The following MARK3 variants were observed in gnomAD, a reference collection of about 807,000 sequenced individuals.
MARK3 encodes microtubule affinity regulating kinase 3.
MARK3 carries 46 observed loss-of-function variants against 90.1 expected under a neutral mutation model. That is an observed-to-expected ratio of 0.51 (90% CI 0.40 to 0.65). MARK3 has a LOEUF of 0.65. Ranked by LOEUF, MARK3 falls within the 30% of genes least tolerant of loss-of-function variation. The pLI is 0.00. For synonymous variants in MARK3, 321 were observed against 332.6 expected (o/e 0.97, Z 0.38); for missense variants, 818 against 947.2 (o/e 0.86, Z 1.79).
chr14:103,385,941 C>A lies in MARK3; in HGVS notation c.-89C>A. On this transcript the variant is annotated 5_prime_UTR_variant, in exon 1 of 18. Coordinates refer to ENST00000429436, the MANE Select transcript of MARK3 (RefSeq NM_001128918.3). ...CCCCACGGCGCCTTTTCGGAACTGC[C>A]GTGGACTCGAGGACGCTGGTCGCCG... 5.5e-6 allele frequency: 6 copies of A among 1,082,236 alleles called. No individual in the cohort carries two copies. The highest frequency in any genetic ancestry group is 1.7e-5 in the Admixed American group (1 of 58,406). The allele number at this position is 1,082,236 out of a possible 1,614,324, so 67.0% of individuals were successfully genotyped here.
At chr14:103,393,465 A>G (rs2090394397) in intron 1 of MARK3, among the ~76,000 whole-genome samples, 2 of 152,176 alleles carry the variant, frequency 1.3e-5, no homozygotes, top group African/African-American at 4.8e-5. Flanking sequence ...AAGAAAGAAA[A>G]AAAAAAGTTG....
At chr14:103,442,294 C>CG (rs1263105884) in intron 3 of MARK3, among the ~76,000 whole-genome samples, 3 of 150,960 alleles carry the variant, frequency 2.0e-5, no homozygotes, top group Middle Eastern at 3.4e-3. Context: ...GGTGTGAACC[C>CG]GGGGGGCGGA....
intron 14 of MARK3, among the ~76,000 whole-genome samples, chr14:103,483,803 A>C (rs930889171): frequency 6.6e-6 from 1 of 152,196 alleles, no homozygotes; most frequent in Non-Finnish European, 1.5e-5. Flanking sequence ...GGTTGGTGTA[A>C]ACTAGGCATG....
intron 1 of MARK3, among the ~76,000 whole-genome samples, chr14:103,388,743 T>C (rs1156298062): frequency 3.3e-5 from 5 of 152,226 alleles, no homozygotes; most frequent in Non-Finnish European, 7.3e-5. Context: ...TTGCCTTTTC[T>C]AGGATGCTAT....
At chr14:103,496,386 GC>G in intron 15 of MARK3, among the ~76,000 whole-genome samples, 1 of 151,238 alleles carries the variant, frequency 6.6e-6, no homozygotes. Flanking sequence ...TTCAAGACCA[GC>G]CTGGACAACA....
chr14:103,412,856 GTCTT>G (rs1014916909), intron 2 of MARK3: 58 of 318,754 alleles, frequency 1.8e-4, no homozygotes, highest in Non-Finnish European at 2.8e-4. Context: ...ATGATGCCAA[GTCTT>G]TCTTTCTTTT....
At chr14:103,484,163 C>CTTTTTTTTTT (rs34512580) in intron 14 of MARK3, among the ~76,000 whole-genome samples, 1 of 146,296 alleles carries the variant, frequency 6.8e-6, no homozygotes, top group Non-Finnish European at 1.5e-5. Flanking sequence ...AGAATCTTTT[C>CTTTTTTTTTT]TTTTTTTTTT....
chr14:103,472,863 G>A (rs970024334), intron 12 of MARK3, among the ~76,000 whole-genome samples: 5 of 151,700 alleles, frequency 3.3e-5, no homozygotes, highest in Admixed American at 1.3e-4. Flanking sequence ...AAAATTAGCC[G>A]GGCATGGTGG....
intron 2 of MARK3, among the ~76,000 whole-genome samples, chr14:103,408,342 C>T (rs373609734): frequency 7.2e-5 from 11 of 151,988 alleles, no homozygotes; most frequent in Non-Finnish European, 1.3e-4. Flanking sequence ...CACACGCCAC[C>T]GCACCCAGCG....
At chr14:103,466,253 C>A in intron 9 of MARK3, 90 bp from the exon 10 acceptor site, 1 of 1,293,092 alleles carries the variant, frequency 7.7e-7, no homozygotes, top group Non-Finnish European at 1.1e-6. Context: ...GAACGATAGT[C>A]AATGAAATGT....
intron 15 of MARK3, among the ~76,000 whole-genome samples, chr14:103,493,992 G>A (rs2075172812): frequency 6.6e-6 from 1 of 151,628 alleles, no homozygotes; most frequent in African/African-American, 2.4e-5. Flanking sequence ...TCAGCACTTT[G>A]GGAGGCCAAG....
At chr14:103,481,968 A>G (rs1193235566) in intron 14 of MARK3, among the ~76,000 whole-genome samples, 2 of 150,192 alleles carry the variant, frequency 1.3e-5, no homozygotes, top group Non-Finnish European at 3.0e-5. Context: ...GGGTTTCACC[A>G]TGTTAGCCAG....
intron 2 of MARK3, among the ~76,000 whole-genome samples, chr14:103,406,020 A>G (rs2091271717): frequency 6.6e-6 from 1 of 152,078 alleles, no homozygotes; most frequent in African/African-American, 2.4e-5. Flanking sequence ...CCTCTCGAGT[A>G]GCTGAGACTA....
chr14:103,403,145 T>A (rs1272868861), intron 1 of MARK3, among the ~76,000 whole-genome samples: 1 of 148,192 alleles, frequency 6.7e-6, no homozygotes, highest in African/African-American at 2.5e-5. Context: ...TTATGAAACA[T>A]GTAAATTTGA....
intron 2 of MARK3, among the ~76,000 whole-genome samples, chr14:103,406,328 G>A (rs1002371011): frequency 4.6e-5 from 7 of 151,634 alleles, no homozygotes; most frequent in Admixed American, 1.3e-4. Flanking sequence ...AGGTTCAAGC[G>A]TTTCTCTTGC....
chr14:103,445,048 T>C (rs537697322), intron 3 of MARK3, among the ~76,000 whole-genome samples: 3 of 152,338 alleles, frequency 2.0e-5, no homozygotes, highest in Admixed American at 6.5e-5. Context: ...TCTGGACTTT[T>C]CTATATCAGC....
At chr14:103,409,889 A>G (rs2091532727) in intron 2 of MARK3, among the ~76,000 whole-genome samples, 1 of 152,188 alleles carries the variant, frequency 6.6e-6, no homozygotes, top group Non-Finnish European at 1.5e-5. Context: ...TGCAGTGGAC[A>G]TTCTTTAGCA....
intron 13 of MARK3, among the ~76,000 whole-genome samples, chr14:103,477,679 G>C (rs2093738468): frequency 1.3e-5 from 2 of 151,954 alleles, no homozygotes; most frequent in Admixed American, 1.3e-4. Context: ...AACTTTTTCA[G>C]CTCCCCAGAA....
At chr14:103,437,447 G>T (rs2092743364) in intron 3 of MARK3, among the ~76,000 whole-genome samples, 1 of 152,054 alleles carries the variant, frequency 6.6e-6, no homozygotes, top group African/African-American at 2.4e-5. Flanking sequence ...TTTAGAGATT[G>T]ATTGTTTGTT....
Sources: allele counts gnomAD v4.1 joint callset (sites outside exome capture counted in the v4.1 genomes callset), GRCh38; gene constraint gnomAD v4.1.1; transcripts MANE v1.5; gene names NCBI Gene and HGNC (gene_info 2026-07-23, HGNC 2026-07-21).